CHN2: variants seen among roughly 807,000 people sequenced by gnomAD.
CHN2 encodes chimerin 2, also known as beta-chimaerin.
A neutral mutation model predicts 56.3 loss-of-function variants in CHN2; 35 were observed. The ratio of observed to expected loss-of-function variants is 0.62; its 90% CI spans 0.47 to 0.82. The LOEUF (loss-of-function observed/expected upper bound fraction) is 0.82. Among genes scored for constraint, CHN2 ranks in the 40% least tolerant of loss-of-function variants. The probability of loss-of-function intolerance (pLI) is 0.00; values close to 1 mark genes in which losing one functional copy is unlikely to be tolerated. For missense variants in CHN2, 491 were observed against 580.5 expected (o/e 0.85, Z 1.58); for synonymous variants, 210 against 212.8 (o/e 0.99, Z 0.12).
In CHN2 at chr7:29,454,318, G is replaced by T. The variant is rs571702501; in HGVS notation, c.577-25961G>T. Among the ~76,000 whole-genome samples, 3 of 150,966 alleles carry T rather than the reference G, an allele frequency of 2.0e-5. No homozygotes were observed. The East Asian group carries it at 5.9e-4, about 29-fold the overall frequency. The stretch of plus-strand genomic sequence containing the variant: ...ACTAGGTGCTCAATAAATGTTAGTA[G>T]TGCTAGTCATTATTGCTGTTACATA... On this transcript the variant is annotated intron_variant, in intron 6 of 12. Coordinates refer to ENST00000222792, the MANE Select transcript of CHN2 (RefSeq NM_004067.4).
At position 29,509,334 on chromosome 7, in the gene CHN2, T is replaced by C. The variant is rs1475141234; in HGVS notation, c.1163T>C (p.Val388Ala). The change falls in exon 12 of 13, where the codon GTC (valine) becomes GCC (alanine). Residue 388 changes from valine to alanine, a missense_variant. Val to Ala is a moderately conservative substitution (Grantham distance 64, BLOSUM62 0). Coordinates refer to ENST00000222792, the MANE Select transcript of CHN2 (RefSeq NM_004067.4). ...AATGCAGATGAGAGGCTGGAAGCCG[T>C]CCATGAAGTGCTGATGCTGCTGCCT... ...ISNADERLEA[V>A]HEVLMLLPPA... is the part of the protein sequence containing the mutation. 6.2e-7 allele frequency: 1 copy of C among 1,614,084 alleles called. No homozygotes were observed. The highest frequency in any genetic ancestry group is 1.1e-5 in the South Asian group (1 of 91,074).
At chr7:29,459,937 T>A (rs1043167344) in intron 6 of CHN2, among the ~76,000 whole-genome samples, 1 of 152,084 alleles carries the variant, frequency 6.6e-6, no homozygotes, top group Non-Finnish European at 1.5e-5. Flanking sequence ...TAGAATACAA[T>A]AGGCGTTCTC....
chr7:29,473,471 T>TTTTTTTG (rs1554298950), intron 6 of CHN2, among the ~76,000 whole-genome samples: 24 of 54,694 alleles, frequency 4.4e-4, no homozygotes, highest in African/African-American at 2.0e-3. Flanking sequence ...TGTGTTTGTG[T>TTTTTTTG]TTTTTTTTTT....
intron 1 of CHN2, among the ~76,000 whole-genome samples, chr7:29,349,778 T>C (rs1797737942): frequency 6.6e-6 from 1 of 152,232 alleles, no homozygotes; most frequent in African/African-American, 2.4e-5. Context: ...TTTCTAAAAA[T>C]ATATAACTGT....
chr7:29,211,503 A>T (rs951336467), intron 1 of CHN2, among the ~76,000 whole-genome samples: 1 of 150,198 alleles, frequency 6.7e-6, no homozygotes, highest in African/African-American at 2.4e-5. Context: ...CAGAAACAGA[A>T]GTTCCACAAA....
chr7:29,244,599 G>A (rs1193542693), intron 1 of CHN2, among the ~76,000 whole-genome samples: 2 of 152,194 alleles, frequency 1.3e-5, no homozygotes, highest in African/African-American at 4.8e-5. Context: ...TCTGCCTTGG[G>A]TAAGGAAGAA....
At chr7:29,460,058 C>A (rs575643484) in intron 6 of CHN2, among the ~76,000 whole-genome samples, 6 of 152,178 alleles carry the variant, frequency 3.9e-5, no homozygotes, top group African/African-American at 1.2e-4. Flanking sequence ...TTCCCCTTAG[C>A]ATATGTACAT....
At position 29,351,099 on chromosome 7, in the gene CHN2, C is replaced by T. The variant is rs554485760; in HGVS notation, c.50-3526C>T. ...CTCTAGCGTGGGCAACGGAGCAAGACTCCATCTCAAAAAAAAAAAAAAAAA... is the reference window on the plus strand; with the variant it reads ...CTCTAGCGTGGGCAACGGAGCAAGATTCCATCTCAAAAAAAAAAAAAAAAA... On this transcript the variant is annotated intron_variant, in intron 1 of 12. Transcript: ENST00000222792. Among the ~76,000 whole-genome samples the T allele has an allele frequency of 3.4e-5, 4 of 117,742 alleles. No homozygotes were observed. In the South Asian group the frequency reaches 1.1e-3, roughly 33 times the overall value. 77.2% of individuals were successfully genotyped at this position (117,742 alleles called of 152,430 possible). A position where few individuals can be genotyped will look rare whatever the true frequency, so the allele number is the denominator to read the frequency against.
chr7:29,506,175 G>A (rs1036796619), intron 10 of CHN2, among the ~76,000 whole-genome samples: 3 of 152,120 alleles, frequency 2.0e-5, no homozygotes, highest in Non-Finnish European at 2.9e-5. Context: ...AAGAAATATA[G>A]GCCAGGCACG....
intron 6 of CHN2, among the ~76,000 whole-genome samples, chr7:29,458,149 C>T (rs1261311168): frequency 1.3e-5 from 2 of 152,166 alleles, no homozygotes; most frequent in African/African-American, 4.8e-5. Context: ...TAATTTAAAA[C>T]TTTCCCAATG....
intron 1 of CHN2, among the ~76,000 whole-genome samples, chr7:29,196,946 T>C (rs1783782086): frequency 6.6e-6 from 1 of 152,232 alleles, no homozygotes. Context: ...GATGTATTGT[T>C]TGGCATGAAT....
chr7:29,322,736 T>C (rs985591982), intron 1 of CHN2, among the ~76,000 whole-genome samples: 2 of 152,194 alleles, frequency 1.3e-5, no homozygotes, highest in African/African-American at 4.8e-5. Context: ...GTCAACACTA[T>C]TCCTAGTCAG....
chr7:29,273,343 GTATATATATATATATATATATATATA>G (rs55722880), intron 1 of CHN2, among the ~76,000 whole-genome samples: 5,292 of 58,196 alleles, frequency 0.091, 403 homozygotes, highest in East Asian at 0.34. Context: ...ATATATATGT[GTATATATATATATATATATATATATA>G]TATATATATA....
At chr7:29,398,266 T>TG (rs1045464255) in intron 4 of CHN2, 107 bp from the exon 5 acceptor site, 6 of 794,712 alleles carry the variant, frequency 7.5e-6, no homozygotes, top group African/African-American at 6.7e-5. Flanking sequence ...CACTCAGTTG[T>TG]GGGGCTGTCG....
intron 6 of CHN2, among the ~76,000 whole-genome samples, chr7:29,405,161 C>CCACACACACACA (rs1429739362): frequency 1.0e-4 from 5 of 49,806 alleles, no homozygotes; most frequent in Non-Finnish European, 1.9e-4. Context: ...GCTTATGTCA[C>CCACACACACACA]CATACACACA....
In CHN2 at chr7:29,409,163, G is replaced by C. The variant is rs73306839; in HGVS notation, c.576+8335G>C. 4.4e-3 allele frequency among the ~76,000 whole-genome samples: 663 copies of C among 152,220 alleles called. 3 individuals carry two copies. Among genetic ancestry groups the C allele is most frequent in the African/African-American group, 0.015 (635 of 41,540 alleles). ...TGCATAAGCACGTGGGCAGCTCTGC[G>C]GGCCTAGGACTTGTAAAAATCATCC... On this transcript the variant is annotated intron_variant, in intron 6 of 12. Coordinates refer to ENST00000222792, the MANE Select transcript of CHN2 (RefSeq NM_004067.4).
intron 1 of CHN2, among the ~76,000 whole-genome samples, chr7:29,264,406 A>G (rs1789938281): frequency 6.6e-6 from 1 of 152,230 alleles, no homozygotes; most frequent in Non-Finnish European, 1.5e-5. Flanking sequence ...GAGAGATCAG[A>G]TTGTTATTGT....
intron 6 of CHN2, among the ~76,000 whole-genome samples, chr7:29,450,778 CT>C (rs57478438): frequency 0.27 from 39,967 of 147,428 alleles, 5,429 homozygotes; most frequent in Middle Eastern, 0.35. Context: ...TTCATTACTT[CT>C]TTTTTTTTTT....
At chr7:29,328,848 A>G (rs1346939875) in intron 1 of CHN2, among the ~76,000 whole-genome samples, 1 of 152,064 alleles carries the variant, frequency 6.6e-6, no homozygotes, top group Non-Finnish European at 1.5e-5. Flanking sequence ...ATTGGAAGTT[A>G]AAAAAAGAAA....
Sources: allele counts gnomAD v4.1 joint callset (sites outside exome capture counted in the v4.1 genomes callset), GRCh38; gene constraint gnomAD v4.1.1; transcripts MANE v1.5; gene names NCBI Gene and HGNC (gene_info 2026-07-23, HGNC 2026-07-21).